The following STARD3NL variants were observed in gnomAD, a reference collection of about 807,000 sequenced individuals.
STARD3NL encodes STARD3 N-terminal like.
In STARD3NL, 17 loss-of-function variants were observed where a neutral mutation model predicts 30.9. The ratio of observed to expected loss-of-function variants is 0.55; its 90% CI spans 0.38 to 0.82. The LOEUF is 0.82. STARD3NL is among the 40% of genes least tolerant of loss of function. STARD3NL has a pLI of 0.00. For synonymous variants in STARD3NL, 112 were observed against 100.5 expected, an observed-to-expected ratio of 1.11 and a Z score of -0.69; for missense variants, 234 against 277.6, an observed-to-expected ratio of 0.84 and a Z score of 1.12.
At chr7:38,204,998 C>T (rs1403857265) in intron 1 of STARD3NL, among the ~76,000 whole-genome samples, 2 of 152,178 alleles carry the variant, frequency 1.3e-5, no homozygotes, top group Non-Finnish European at 2.9e-5. Flanking sequence ...TAATTAATAG[C>T]TTACCAACCA....
intron 1 of STARD3NL, among the ~76,000 whole-genome samples, chr7:38,187,877 C>G (rs1273433192): frequency 6.6e-6 from 1 of 152,156 alleles, no homozygotes; most frequent in Non-Finnish European, 1.5e-5. Flanking sequence ...TCCAGTTTCT[C>G]AAGCTCTAAA....
intron 1 of STARD3NL, among the ~76,000 whole-genome samples, chr7:38,184,463 A>G (rs977182608): frequency 5.3e-5 from 8 of 151,980 alleles, no homozygotes; most frequent in East Asian, 1.9e-4. Flanking sequence ...CATGGCAGAA[A>G]AAAAAGCTGG....
intron 2 of STARD3NL, 43 bp downstream of exon 2, chr7:38,207,772 A>G (rs1162465919): frequency 7.7e-6 from 12 of 1,567,298 alleles, no homozygotes; most frequent in South Asian, 1.1e-5. Flanking sequence ...AAGTGTTTCC[A>G]GAGACAACAG....
chr7:38,227,519 G>A (rs572468666), intron 7 of STARD3NL, among the ~76,000 whole-genome samples: 5 of 152,176 alleles, frequency 3.3e-5, no homozygotes, highest in Admixed American at 2.6e-4. Flanking sequence ...TATAATTCAG[G>A]TAGACATTCT....
chr7:38,200,277 CA>C (rs1023691085), intron 1 of STARD3NL, among the ~76,000 whole-genome samples: 6 of 152,152 alleles, frequency 3.9e-5, no homozygotes, highest in African/African-American at 9.7e-5. Context: ...TTCTCCATTT[CA>C]CCCATCTGGA....
intron 8 of STARD3NL, 87 bp downstream of exon 8, chr7:38,228,958 A>G (rs180885054): frequency 2.1e-6 from 2 of 939,926 alleles, no homozygotes; most frequent in East Asian, 2.7e-5. Context: ...TTCAAAGAAT[A>G]AGAGTGTAAG....
intron 1 of STARD3NL, among the ~76,000 whole-genome samples, chr7:38,193,877 T>C (rs1286069421): frequency 6.6e-6 from 1 of 152,220 alleles, no homozygotes; most frequent in African/African-American, 2.4e-5. Flanking sequence ...TTGCAATCTT[T>C]AATATTCTTG....
At chr7:38,220,148 C>T (rs1387758640) in intron 7 of STARD3NL, among the ~76,000 whole-genome samples, 1 of 152,226 alleles carries the variant, frequency 6.6e-6, no homozygotes, top group African/African-American at 2.4e-5. Context: ...CCTGCCACTT[C>T]TTATCAGCTC....
At chr7:38,188,387 T>A (rs773487387) in intron 1 of STARD3NL, among the ~76,000 whole-genome samples, 1 of 152,198 alleles carries the variant, frequency 6.6e-6, no homozygotes, top group African/African-American at 2.4e-5. Context: ...CATTTCTCCC[T>A]TATCTCCTAG....
At chr7:38,183,682 A>G (rs1784336452) in intron 1 of STARD3NL, among the ~76,000 whole-genome samples, 1 of 152,328 alleles carries the variant, frequency 6.6e-6, no homozygotes, top group South Asian at 2.1e-4. Context: ...TGTAAATGAA[A>G]TTAACTGGAG....
chr7:38,212,854 A>C (rs1229560870), intron 2 of STARD3NL, among the ~76,000 whole-genome samples: 3 of 152,208 alleles, frequency 2.0e-5, no homozygotes, highest in Non-Finnish European at 4.4e-5. Context: ...ACCAGAACTG[A>C]CTGGGAAGGG....
chr7:38,225,652 G>A (rs1433007748), intron 7 of STARD3NL, among the ~76,000 whole-genome samples: 5 of 148,710 alleles, frequency 3.4e-5, no homozygotes, highest in Non-Finnish European at 6.0e-5. Context: ...AACTGATTTT[G>A]TGCCAAACCA....
intron 1 of STARD3NL, among the ~76,000 whole-genome samples, chr7:38,200,438 G>A (rs1785122686): frequency 1.5e-5 from 2 of 132,408 alleles, no homozygotes; most frequent in Non-Finnish European, 3.2e-5. Context: ...AGGAACTCAG[G>A]CTAAACGTTC....
rs200261021 is a variant in STARD3NL, at chr7:38,219,672, G to C, written c.649+12G>C. On this transcript the variant is annotated intron_variant, in intron 7 of 8. Coordinates refer to ENST00000009041, the MANE Select transcript of STARD3NL (RefSeq NM_032016.4). ...TGAATCCGAAGCAGGTAAAAAACTT[G>C]ATTATTATTTGTGCTTGTATCTCTC... 7 of 1,606,522 alleles carry C rather than the reference G, an allele frequency of 4.4e-6. No individual in the cohort carries two copies. The African/African-American group carries it at 8.0e-5, about 18-fold the overall frequency.
chr7:38,220,587 C>T (rs573461710), intron 7 of STARD3NL, among the ~76,000 whole-genome samples: 3 of 152,232 alleles, frequency 2.0e-5, no homozygotes, highest in African/African-American at 4.8e-5. Context: ...ATGGTGTTTC[C>T]GTAAAAGATT....
rs9490 is a variant in STARD3NL at position 38,230,074 on chromosome 7, T to C, written c.*169T>C. ...TTATTGTAATACCTCACAGACGTTG[T>C]ACCATATCCATGCACATTTAGTTGC... On this transcript the variant is annotated 3_prime_UTR_variant, in exon 9 of 9. Coordinates refer to ENST00000009041, the MANE Select transcript of STARD3NL (RefSeq NM_032016.4). 32,926 of 152,656 alleles carry C rather than the reference T, an allele frequency of 0.22. 3,967 individuals are homozygous for C. Among genetic ancestry groups the C allele is most frequent in the Admixed American group, 0.33 (5,105 of 15,294 alleles). 9.5% of individuals were successfully genotyped at this position (152,656 alleles called of 1,614,324 possible). A position where few individuals can be genotyped will look rare whatever the true frequency, so the allele number is the denominator to read the frequency against.
At chr7:38,207,000 T>G (rs1177374087) in intron 1 of STARD3NL, among the ~76,000 whole-genome samples, 1 of 152,214 alleles carries the variant, frequency 6.6e-6, no homozygotes, top group Non-Finnish European at 1.5e-5. Flanking sequence ...AAATAAGCTT[T>G]TTTATAGCTA....
At chr7:38,222,299 G>A (rs546993115) in intron 7 of STARD3NL, among the ~76,000 whole-genome samples, 1 of 152,292 alleles carries the variant, frequency 6.6e-6, no homozygotes, top group East Asian at 1.9e-4. Flanking sequence ...TGGACTATTG[G>A]TGTTGGATCT....
intron 7 of STARD3NL, among the ~76,000 whole-genome samples, chr7:38,226,390 A>G (rs1042692253): frequency 6.6e-6 from 1 of 151,982 alleles, no homozygotes; most frequent in African/African-American, 2.4e-5. Flanking sequence ...TTTTAAGCCT[A>G]GCTTCCTAGG....
Sources: gnomAD v4.1 joint callset for allele counts (sites outside exome capture counted in the v4.1 genomes callset) on GRCh38, gnomAD v4.1.1 for gene constraint, MANE v1.5 for transcripts, NCBI Gene and HGNC (gene_info 2026-07-23, HGNC 2026-07-21) for gene names.